Variants in KLB observed in about 807,000 individuals in gnomAD.
KLB encodes klotho beta.
In KLB, 44 loss-of-function variants were observed where a neutral mutation model predicts 88.4. That is an observed-to-expected ratio of 0.50 (90% CI 0.39 to 0.64). The LOEUF is 0.64. Among genes scored for constraint, KLB ranks in the 30% least tolerant of loss-of-function variants. The probability of loss-of-function intolerance (pLI) is 0.00; values close to 1 mark genes in which losing one functional copy is unlikely to be tolerated. For synonymous variants in KLB, 548 were observed against 513.4 expected (o/e 1.07, Z -0.91); for missense variants, 1,137 against 1,304.8 (o/e 0.87, Z 1.98).
rs1002925156 is a variant in KLB at position 39,448,755 on chromosome 4, G to T, written c.*69G>T. The stretch of plus-strand genomic sequence containing the variant: ...TTCCATATGCTGGTAACTTACAGGA[G>T]ATATACCTGTATTATAGAAAGACAA... On this transcript the variant is annotated 3_prime_UTR_variant, in exon 5 of 5. Coordinates refer to ENST00000257408, the MANE Select transcript of KLB (RefSeq NM_175737.4). 55 of 1,356,504 alleles carry T rather than the reference G, an allele frequency of 4.1e-5. 1 individual carries two copies. In the South Asian group the frequency reaches 7.2e-4, roughly 18 times the overall value. The allele number at this position is 1,356,504 out of a possible 1,614,324, so 84.0% of individuals were successfully genotyped here. A position where few individuals can be genotyped will look rare whatever the true frequency, so the allele number is the denominator to read the frequency against.
chr4:39,438,028 G>T, intron 3 of KLB, 33 bp downstream of exon 3: 1 of 1,585,016 alleles, frequency 6.3e-7, no homozygotes, highest in South Asian at 1.2e-5. Flanking sequence ...ACCATAAACT[G>T]GGAAAAACAG....
intron 3 of KLB, among the ~76,000 whole-genome samples, chr4:39,445,684 G>GTTTTTTTTT (rs67319815): frequency 3.2e-5 from 3 of 94,958 alleles, no homozygotes; most frequent in African/African-American, 3.4e-5. Context: ...TTGTTTTTTT[G>GTTTTTTTTT]TTTTTTTTTT....
At chr4:39,430,921 T>C (rs1578208647) in intron 1 of KLB, among the ~76,000 whole-genome samples, 1 of 149,240 alleles carries the variant, frequency 6.7e-6, no homozygotes, top group African/African-American at 2.5e-5. Context: ...GAAAGTTTTT[T>C]TTTTTTTTCC....
intron 1 of KLB, 98 bp from the exon 2 acceptor site, chr4:39,434,112 C>G: frequency 8.7e-7 from 1 of 1,143,222 alleles, no homozygotes; most frequent in Middle Eastern, 3.0e-4. Context: ...AATCACTGTA[C>G]GCTGCATTAA....
At chr4:39,409,353 C>G (rs562553502) in intron 1 of KLB, among the ~76,000 whole-genome samples, 14 of 148,990 alleles carry the variant, frequency 9.4e-5, no homozygotes, top group Non-Finnish European at 1.5e-4. Context: ...AGTGCAATGG[C>G]GCAGTCTTGG....
rs1231851558 is a variant in KLB, at chr4:39,447,045, C to T, written c.2319C>T (p.Ala773=). The T allele has an allele frequency of 1.9e-6, 3 of 1,612,132 alleles. No individual in the cohort carries two copies. The highest frequency in any genetic ancestry group is 1.6e-4 in the Middle Eastern group (1 of 6,062). The change falls in exon 4 of 5, where the codon GCC becomes GCT. Residue 773 remains alanine, a synonymous_variant. Coordinates refer to ENST00000257408, the MANE Select transcript of KLB (RefSeq NM_175737.4). ...RFLQFEIAWF[A]EPLFKTGDYP... ...TGCAGTTCGAGATCGCCTGGTTCGC[C>T]GAGCCGCTCTTCAAGACCGGGGACT... is the stretch of plus-strand genomic sequence containing the variant.
At chr4:39,416,597 G>A (rs996152106) in intron 1 of KLB, among the ~76,000 whole-genome samples, 6 of 152,104 alleles carry the variant, frequency 3.9e-5, no homozygotes, top group Non-Finnish European at 7.4e-5. Flanking sequence ...CCTAAGCAAC[G>A]TAGTGAGACT....
intron 3 of KLB, among the ~76,000 whole-genome samples, chr4:39,444,575 T>C (rs1004833499): frequency 6.6e-5 from 10 of 152,184 alleles, no homozygotes; most frequent in African/African-American, 2.2e-4. Context: ...AACTAGAAAA[T>C]TAACCTCTTA....
rs547432900 is a variant in KLB, at chr4:39,424,663, G to A, written c.826-9547G>A. 2.0e-3 allele frequency among the ~76,000 whole-genome samples: 303 copies of A among 149,020 alleles called. 20 individuals are homozygous for A. The highest frequency in any genetic ancestry group is 7.4e-3 in the African/African-American group (285 of 38,774). On this transcript the variant is annotated intron_variant, in intron 1 of 4. Transcript: ENST00000257408. ...TTTTCTTTTTTTGAGATGGAGCTTCGCACTGTTGCCCAGGCTGGAGTGCAG... is the reference window on the plus strand; with the variant it reads ...TTTTCTTTTTTTGAGATGGAGCTTCACACTGTTGCCCAGGCTGGAGTGCAG...
intron 3 of KLB, among the ~76,000 whole-genome samples, chr4:39,443,230 G>T (rs1364295930): frequency 1.3e-5 from 2 of 151,958 alleles, no homozygotes; most frequent in African/African-American, 2.4e-5. Flanking sequence ...CTTGGTTAAG[G>T]TGGCATTTGT....
At position 39,407,561 on chromosome 4, in the gene KLB, A is replaced by G; in HGVS notation, c.612A>G (p.Glu204=). Residue 204 remains glutamate (E), a synonymous_variant, in exon 1 of 5, where the codon GAA becomes GAG. Transcript: ENST00000257408. ...GGGATTTGCCTTTGGCACTACAAGA[A>G]AAATATGGGGGGTGGAAAAATGATA... ...YHWDLPLALQ[E]KYGGWKNDTI... is the part of the protein sequence containing the mutation. The G allele has an allele frequency of 6.2e-7, 1 of 1,614,126 alleles. No individual in the cohort carries two copies. Among genetic ancestry groups the G allele is most frequent in the Non-Finnish European group, 8.5e-7 (1 of 1,179,962 alleles).
chr4:39,440,776 T>C (rs1743581467), intron 3 of KLB, among the ~76,000 whole-genome samples: 1 of 151,896 alleles, frequency 6.6e-6, no homozygotes, highest in African/African-American at 2.4e-5. Context: ...CAGGCTGGTC[T>C]CAAACTCCTG....
At chr4:39,415,164 C>T (rs1338128140) in intron 1 of KLB, among the ~76,000 whole-genome samples, 5 of 152,056 alleles carry the variant, frequency 3.3e-5, no homozygotes, top group Non-Finnish European at 5.9e-5. Context: ...AGACCCGCCT[C>T]GGCCTCTCAA....
chr4:39,446,937 C>CGTGTCG lies in KLB; in HGVS notation c.2212_2217dup (p.Val738_Ser739dup). 6.2e-7 allele frequency: 1 copy of CGTGTCG among 1,604,726 alleles called. No homozygotes were observed. The highest frequency in any genetic ancestry group is 8.5e-7 in the Non-Finnish European group (1 of 1,178,796). ...AGTTCAGGCCCTCACAGCGCGGGGC[C>CGTGTCG]GTGTCGCTGTCGCTGCACGCGGACT... On this transcript the variant is annotated inframe_insertion, in exon 4 of 5. Coordinates refer to ENST00000257408, the MANE Select transcript of KLB (RefSeq NM_175737.4). The surrounding 1 kb of genome is among the most constrained non-coding windows in gnomAD (Gnocchi z 6.4).
intron 1 of KLB, among the ~76,000 whole-genome samples, chr4:39,432,161 C>A (rs1456907058): frequency 6.6e-6 from 1 of 152,126 alleles, no homozygotes; most frequent in African/African-American, 2.4e-5. Context: ...GTGGTGCTCA[C>A]CTGTAGTCTC....
chr4:39,442,378 C>T (rs1743618688), intron 3 of KLB, among the ~76,000 whole-genome samples: 1 of 151,714 alleles, frequency 6.6e-6, no homozygotes, highest in South Asian at 2.1e-4. Context: ...TTCCCTTCAT[C>T]AAGACTGACT....
chr4:39,432,005 G>A (rs1743375561), intron 1 of KLB, among the ~76,000 whole-genome samples: 1 of 152,166 alleles, frequency 6.6e-6, no homozygotes, highest in East Asian at 1.9e-4. Flanking sequence ...AAATAGTGGG[G>A]GCCGGGTGCA....
rs1213374814 is a variant in KLB at position 39,448,720 on chromosome 4, T to C, written c.*34T>C. ...GTCTGCATGATAGACAGTTTAAAAA[T>C]TCATCCCAGTTCCATATGCTGGTAA... On this transcript the variant is annotated 3_prime_UTR_variant, in exon 5 of 5. Coordinates refer to ENST00000257408, the MANE Select transcript of KLB (RefSeq NM_175737.4). 1 of 1,565,956 alleles carries C rather than the reference T, an allele frequency of 6.4e-7. No homozygotes were observed. The highest frequency in any genetic ancestry group is 1.8e-5 in the Admixed American group (1 of 55,544).
intron 3 of KLB, among the ~76,000 whole-genome samples, chr4:39,439,660 T>A (rs1302029547): frequency 1.4e-5 from 2 of 145,140 alleles, no homozygotes; most frequent in African/African-American, 5.3e-5. Context: ...CCTGGCAAAT[T>A]TTTCTTTTTT....
Sources: gnomAD v4.1 joint callset for allele counts (sites outside exome capture counted in the v4.1 genomes callset) on GRCh38, gnomAD v4.1.1 for gene constraint, Gnocchi (gnomAD v3.1) non-coding constraint, MANE v1.5 for transcripts, NCBI Gene and HGNC (gene_info 2026-07-23, HGNC 2026-07-21) for gene names.